ADGRB3: variants seen among roughly 807,000 people sequenced by gnomAD.
ADGRB3 encodes adhesion G protein-coupled receptor B3.
Under a neutral mutation model 193.4 loss-of-function variants are expected in ADGRB3, and 37 were observed. That is an observed-to-expected ratio of 0.19 (90% CI 0.15 to 0.25). The LOEUF (loss-of-function observed/expected upper bound fraction) is 0.25. Ranked by LOEUF, ADGRB3 falls within the 10% of genes least tolerant of loss-of-function variation. The pLI, the probability that ADGRB3 is intolerant of heterozygous loss-of-function variation, is 1.00. For missense variants in ADGRB3, 1,637 were observed against 1,852.9 expected (o/e 0.88, Z 2.14); for synonymous variants, 690 against 644.2 (o/e 1.07, Z -1.08).
intron 17 of ADGRB3, among the ~76,000 whole-genome samples, chr6:69,196,067 C>T (rs1293030990): frequency 6.6e-6 from 1 of 152,042 alleles, no homozygotes; most frequent in Non-Finnish European, 1.5e-5. Context: ...CTCCTGGATC[C>T]CTTCTGTCAT....
intron 27 of ADGRB3, among the ~76,000 whole-genome samples, chr6:69,354,939 ACT>A (rs1389766878): frequency 2.0e-5 from 3 of 152,038 alleles, no homozygotes; most frequent in African/African-American, 4.8e-5. Context: ...TGAGATTTAA[ACT>A]CTGTCATTTA....
intron 3 of ADGRB3, among the ~76,000 whole-genome samples, chr6:68,884,686 T>G (rs548850649): frequency 9.5e-4 from 144 of 151,950 alleles, no homozygotes; most frequent in African/African-American, 3.1e-3. Context: ...GTGAAAGAGA[T>G]AGAGAAAAAC....
intron 20 of ADGRB3, among the ~76,000 whole-genome samples, chr6:69,258,018 C>G (rs528680433): frequency 6.6e-6 from 1 of 152,190 alleles, no homozygotes; most frequent in East Asian, 1.9e-4. Flanking sequence ...AAAGAGGATC[C>G]TTGTTAAGCT....
chr6:69,129,887 A>G (rs989593600), intron 17 of ADGRB3, among the ~76,000 whole-genome samples: 1 of 151,970 alleles, frequency 6.6e-6, no homozygotes, highest in Admixed American at 6.6e-5. Context: ...TCTTTCCTAG[A>G]CTCTGTTTCA....
At chr6:69,347,982 A>T (rs1769140365) in intron 26 of ADGRB3, among the ~76,000 whole-genome samples, 1 of 152,120 alleles carries the variant, frequency 6.6e-6, no homozygotes, top group African/African-American at 2.4e-5. Flanking sequence ...ACCTCATTTG[A>T]CCCAAAAGTC....
intron 13 of ADGRB3, among the ~76,000 whole-genome samples, chr6:69,043,594 G>T (rs1189631456): frequency 6.6e-6 from 1 of 152,134 alleles, no homozygotes. Context: ...TTGATAACTG[G>T]AAAACCTGCT....
intron 30 of ADGRB3, among the ~76,000 whole-genome samples, chr6:69,376,288 G>C (rs1769820260): frequency 6.6e-6 from 1 of 151,168 alleles, no homozygotes; most frequent in Non-Finnish European, 1.5e-5. Context: ...TGTATAGATG[G>C]GGTCTCACCA....
chr6:68,857,243 G>A (rs1765014035), intron 3 of ADGRB3, among the ~76,000 whole-genome samples: 1 of 152,240 alleles, frequency 6.6e-6, no homozygotes, highest in African/African-American at 2.4e-5. Context: ...GCCTAGTGGA[G>A]CTGTGAGAAG....
intron 10 of ADGRB3, among the ~76,000 whole-genome samples, chr6:68,985,697 T>G (rs1251488288): frequency 6.6e-6 from 1 of 152,150 alleles, no homozygotes; most frequent in East Asian, 1.9e-4. Flanking sequence ...GTGGGTTGCA[T>G]ATGCGGTGTG....
At chr6:69,125,227 G>A (rs1381837948) in intron 17 of ADGRB3, among the ~76,000 whole-genome samples, 1 of 152,122 alleles carries the variant, frequency 6.6e-6, no homozygotes, top group Non-Finnish European at 1.5e-5. Context: ...AGTTCCCTTA[G>A]CCTCTATTCC....
intron 17 of ADGRB3, among the ~76,000 whole-genome samples, chr6:69,169,192 G>T (rs553345928): frequency 1.3e-5 from 2 of 151,980 alleles, no homozygotes; most frequent in African/African-American, 4.8e-5. Context: ...CAGATGGATT[G>T]GGAAACAAAT....
intron 3 of ADGRB3, among the ~76,000 whole-genome samples, chr6:68,703,556 A>T (rs1275728171): frequency 2.0e-5 from 3 of 152,160 alleles, no homozygotes. Flanking sequence ...TTTTTCAAAG[A>T]TTTAATTCAT....
Position 69,183,558 on chromosome 6 carries a change from T to G in ADGRB3, c.2481-49732T>G, listed in dbSNP as rs77380807. ...TCTGGTACAGAGGTCCTTACCAAAG[T>G]ACTTATAAAGCATTAAAAATCCTTG... On this transcript the variant is annotated intron_variant, in intron 17 of 31. Coordinates refer to ENST00000370598, the MANE Select transcript of ADGRB3 (RefSeq NM_001704.3). Among the ~76,000 whole-genome samples the G allele has an allele frequency of 1.1e-4, 16 of 152,230 alleles. No individual in the cohort carries two copies. In the East Asian group the frequency reaches 2.7e-3, roughly 26 times the overall value.
At chr6:68,966,061 C>T (rs1768373873) in intron 8 of ADGRB3, among the ~76,000 whole-genome samples, 1 of 152,162 alleles carries the variant, frequency 6.6e-6, no homozygotes, top group Non-Finnish European at 1.5e-5. Context: ...TCTCCCAAGT[C>T]ATCTCTTCCT....
chr6:69,058,422 G>T (rs1301722098), intron 15 of ADGRB3, among the ~76,000 whole-genome samples: 1 of 151,358 alleles, frequency 6.6e-6, no homozygotes, highest in African/African-American at 2.4e-5. Flanking sequence ...TTTTACATGG[G>T]TTTGCTATTT....
chr6:69,230,368 T>C (rs185198278), intron 17 of ADGRB3, among the ~76,000 whole-genome samples: 1 of 152,328 alleles, frequency 6.6e-6, no homozygotes, highest in East Asian at 1.9e-4. Flanking sequence ...AAGAATAATG[T>C]GACTGCTGGA....
At chr6:69,080,999 G>T (rs1176582688) in intron 17 of ADGRB3, among the ~76,000 whole-genome samples, 2 of 151,920 alleles carry the variant, frequency 1.3e-5, no homozygotes, top group African/African-American at 4.8e-5. Context: ...TAGTTCCTAA[G>T]GTCTTGTAGT....
At chr6:69,089,299 C>G (rs1192746802) in intron 17 of ADGRB3, among the ~76,000 whole-genome samples, 1 of 152,056 alleles carries the variant, frequency 6.6e-6, no homozygotes, top group East Asian at 1.9e-4. Context: ...TATATTGAGA[C>G]CTACTTTGAA....
At chr6:69,081,390 C>A (rs993933156) in intron 17 of ADGRB3, among the ~76,000 whole-genome samples, 1 of 151,810 alleles carries the variant, frequency 6.6e-6, no homozygotes, top group African/African-American at 2.4e-5. Flanking sequence ...TAGAATGGTT[C>A]TTGGTTTTCA....
Sources: allele counts gnomAD v4.1 joint callset (sites outside exome capture counted in the v4.1 genomes callset), GRCh38; gene constraint gnomAD v4.1.1; transcripts MANE v1.5; gene names NCBI Gene and HGNC (gene_info 2026-07-23, HGNC 2026-07-21).